Variants in ARL17A observed in about 807,000 individuals in gnomAD.
The protein encoded by ARL17A is ARF like GTPase 17A.
At chr17:46,516,954 A>AC (rs1337350424) in exon 5 of ARL17A, 5 of 326,160 alleles carry the variant, frequency 1.5e-5, no homozygotes, top group Non-Finnish European at 3.0e-5. Context: ...CTTTGGTGTT[A>AC]CCTGGCATAG....
intron 3 of ARL17A, among the ~76,000 whole-genome samples, chr17:46,541,929 T>G (rs2145584959): frequency 6.9e-6 from 1 of 145,638 alleles, no homozygotes; most frequent in East Asian, 2.0e-4. Context: ...TATTGCTGAG[T>G]AGTATTCCGG....
the ARL17A span, among the ~76,000 whole-genome samples, chr17:46,500,753 A>G: frequency 6.6e-6 from 1 of 151,200 alleles, no homozygotes; most frequent in African/African-American, 2.5e-5. Context: ...GTTTGAAGAT[A>G]ACTTCTGGAA....
intron 3 of ARL17A, chr17:46,559,084 G>A (rs985494343): frequency 1.3e-5 from 1 of 76,638 alleles, no homozygotes; most frequent in Non-Finnish European, 2.3e-5. Context: ...AGGGCGCTGA[G>A]GGTGGGAGAG....
At chr17:46,505,456 AT>A in the ARL17A span, among the ~76,000 whole-genome samples, 4 of 99,084 alleles carry the variant, frequency 4.0e-5, no homozygotes, top group African/African-American at 4.6e-5. Flanking sequence ...TTATCTAAAG[AT>A]TTGTTTATCT....
At chr17:46,504,950 T>TTA in the ARL17A span, among the ~76,000 whole-genome samples, 1 of 106,590 alleles carries the variant, frequency 9.4e-6, no homozygotes, top group Non-Finnish European at 1.8e-5. Flanking sequence ...ATTAACTAAT[T>TTA]TTGAGAGAGA....
chr17:46,541,955 ATC>A (rs2055405074), intron 3 of ARL17A, among the ~76,000 whole-genome samples: 1 of 138,066 alleles, frequency 7.2e-6, no homozygotes, highest in Non-Finnish European at 1.5e-5. Context: ...TGGAAATGCC[ATC>A]TCTACTAAAA....
intron 3 of ARL17A, among the ~76,000 whole-genome samples, chr17:46,543,474 G>A (rs185397252): frequency 0.093 from 13,161 of 141,182 alleles, no homozygotes; most frequent in Non-Finnish European, 0.14. Context: ...TTATGATTGG[G>A]ACAATTGTGA....
At chr17:46,519,911 G>C (rs2052073873) in intron 3 of ARL17A, among the ~76,000 whole-genome samples, 1 of 86,930 alleles carries the variant, frequency 1.2e-5, no homozygotes, top group Non-Finnish European at 2.9e-5. Flanking sequence ...GTGCCACCCA[G>C]AGTTGGATTC....
downstream of ARL17A, among the ~76,000 whole-genome samples, chr17:46,551,251 G>A (rs2056782699): frequency 6.7e-6 from 1 of 149,306 alleles, no homozygotes; most frequent in South Asian, 2.1e-4. Context: ...TGTTTACAGT[G>A]CCCATTCCTG....
chr17:46,526,467 CCT>C (rs1211553627), downstream of ARL17A, among the ~76,000 whole-genome samples: 16 of 103,274 alleles, frequency 1.5e-4, no homozygotes. Context: ...TTGCACAGGC[CCT>C]TCCAAGGTCG....
chr17:46,543,703 A>G (rs2055834466), intron 3 of ARL17A, among the ~76,000 whole-genome samples: 1 of 151,018 alleles, frequency 6.6e-6, no homozygotes, highest in Admixed American at 6.6e-5. Context: ...GCAAAGTATT[A>G]GCAACTACTG....
intron 4 of ARL17A, among the ~76,000 whole-genome samples, chr17:46,529,833 A>G (rs2053400943): frequency 8.0e-6 from 1 of 124,532 alleles, no homozygotes; most frequent in African/African-American, 3.1e-5. Context: ...GGAGGAAAAG[A>G]GGATAATATC....
intron 3 of ARL17A, among the ~76,000 whole-genome samples, chr17:46,545,759 G>C (rs1273496368): frequency 7.0e-6 from 1 of 143,120 alleles, no homozygotes; most frequent in African/African-American, 2.8e-5. Flanking sequence ...TTATTCTTTT[G>C]AATGCTCAAA....
At chr17:46,537,077 AT>A (rs766255014) in intron 4 of ARL17A, among the ~76,000 whole-genome samples, 22 of 34,808 alleles carry the variant, frequency 6.3e-4, no homozygotes, top group African/African-American at 3.1e-3. Context: ...ATTGTGGTCA[AT>A]TTTTTTTTTT....
At chr17:46,542,737 A>G (rs566816412) in intron 3 of ARL17A, among the ~76,000 whole-genome samples, 6 of 150,326 alleles carry the variant, frequency 4.0e-5, no homozygotes, top group Non-Finnish European at 8.8e-5. Context: ...ATATATGTAT[A>G]TGTATGCCTG....
rs1433547645 is a variant in ARL17A, at chr17:46,556,469, CT to C, written c.*886del. The C allele has an allele frequency of 1.1e-4, 4 of 35,214 alleles. No homozygotes were observed. The highest frequency in any genetic ancestry group is 1.8e-4 in the Non-Finnish European group (4 of 22,248). 2.2% of individuals were successfully genotyped at this position (35,214 alleles called of 1,614,324 possible). A position where few individuals can be genotyped will look rare whatever the true frequency, so the allele number is the denominator to read the frequency against. The stretch of plus-strand genomic sequence containing the variant: ...AACCCGGAAGCTCTCCAAGTCCTGT[CT>C]TTTAAGGAGTTTTCTGGAGGCTTTA... On this transcript the variant is annotated 3_prime_UTR_variant, in exon 4 of 4. Coordinates refer to ENST00000336125, the MANE Select transcript of ARL17A (RefSeq NM_001113738.2).
At chr17:46,551,392 G>A (rs2056802271), downstream of ARL17A, among the ~76,000 whole-genome samples, 1 of 150,396 alleles carries the variant, frequency 6.6e-6, no homozygotes, top group Non-Finnish European at 1.5e-5. Flanking sequence ...AACCTTACTT[G>A]CCTCATTTAC....
intron 3 of ARL17A, among the ~76,000 whole-genome samples, chr17:46,544,487 A>C (rs2055978174): frequency 1.5e-4 from 1 of 6,492 alleles, no homozygotes; most frequent in Non-Finnish European, 2.3e-4. Flanking sequence ...TTGAGCACTC[A>C]CTGTGCACCA....
chr17:46,548,316 A>G (rs1483136445), downstream of ARL17A: 4 of 456,770 alleles, frequency 8.8e-6, no homozygotes, highest in East Asian at 1.4e-4. Context: ...TGACAGCTGA[A>G]GAAGCATCGG....
Sources: allele counts gnomAD v4.1 joint callset (sites outside exome capture counted in the v4.1 genomes callset), GRCh38; gene constraint gnomAD v4.1.1; transcripts MANE v1.5; gene names NCBI Gene and HGNC (gene_info 2026-07-23, HGNC 2026-07-21).